Variants in DNMBP observed in about 807,000 individuals in gnomAD.
The protein encoded by DNMBP is dynamin binding protein.
Under a neutral mutation model 150.0 loss-of-function variants are expected in DNMBP, and 87 were observed. That is an observed-to-expected ratio of 0.58 (90% confidence interval 0.49 to 0.69). DNMBP has a LOEUF of 0.69. Among genes scored for constraint, DNMBP ranks in the 30% least tolerant of loss-of-function variants. The probability of loss-of-function intolerance (pLI) is 0.00; values close to 1 mark genes in which losing one functional copy is unlikely to be tolerated. For synonymous variants in DNMBP, 711 were observed against 750.4 expected (o/e 0.95, Z 0.86); for missense variants, 1,774 against 1,949.0 (o/e 0.91, Z 1.69).
intron 1 of DNMBP, among the ~76,000 whole-genome samples, chr10:100,004,279 A>C (rs2041045964): frequency 6.6e-6 from 1 of 150,920 alleles, no homozygotes; most frequent in Non-Finnish European, 1.5e-5. Flanking sequence ...ATATATATGT[A>C]TATATAATGT....
chr10:99,891,383 C>T (rs992587711), intron 11 of DNMBP, among the ~76,000 whole-genome samples: 11 of 151,708 alleles, frequency 7.3e-5, no homozygotes, highest in African/African-American at 2.7e-4. Flanking sequence ...CTGTGTTGGC[C>T]AGGCCGGTCT....
intron 4 of DNMBP, among the ~76,000 whole-genome samples, chr10:99,921,864 GAA>G (rs34344466): frequency 6.1e-3 from 144 of 23,702 alleles, no homozygotes; most frequent in African/African-American, 0.024. Context: ...GATTCCATCT[GAA>G]AAAAAAAAAA....
intron 4 of DNMBP, among the ~76,000 whole-genome samples, chr10:99,947,571 G>A (rs949254892): frequency 6.7e-6 from 1 of 149,050 alleles, no homozygotes; most frequent in Admixed American, 6.7e-5. Flanking sequence ...ACAATGGAGG[G>A]AGGGAGGGAG....
chr10:99,957,656 C>T (rs2133335044), intron 3 of DNMBP: 1 of 179,514 alleles, frequency 5.6e-6, no homozygotes, highest in South Asian at 1.3e-4. Flanking sequence ...GGCAACATGT[C>T]AAGACCTTGT....
intron 1 of DNMBP, among the ~76,000 whole-genome samples, chr10:99,978,643 A>C (rs749111810): frequency 6.6e-6 from 1 of 151,966 alleles, no homozygotes; most frequent in African/African-American, 2.4e-5. Flanking sequence ...CAGTGGCGTG[A>C]TCTTGGCTTA....
chr10:99,955,864 G>C lies in DNMBP; in HGVS notation c.1610C>G (p.Ala537Gly). Residue 537 changes from alanine to glycine, a missense_variant, in exon 4 of 17, where the codon GCA (alanine) becomes GGA (glycine). Transcript: ENST00000324109. ...PQAQGLVMEA[A>G]THSQGDGSTD... ...GCTGCCGTCTCCCTGTGAATGTGTT[G>C]CTGCTTCCATAACAAGCCCTTGGGC... The C allele has an allele frequency of 6.2e-7, 1 of 1,614,188 alleles. No individual in the cohort carries two copies. The highest frequency in any genetic ancestry group is 8.5e-7 in the Non-Finnish European group (1 of 1,180,028).
chr10:99,904,480 T>C (rs1049411339), intron 6 of DNMBP, among the ~76,000 whole-genome samples: 1 of 152,104 alleles, frequency 6.6e-6, no homozygotes. Flanking sequence ...GGCTTTAACT[T>C]GCCCTTCATG....
At chr10:99,989,588 G>A (rs1157412783) in intron 1 of DNMBP, among the ~76,000 whole-genome samples, 1 of 152,212 alleles carries the variant, frequency 6.6e-6, no homozygotes, top group African/African-American at 2.4e-5. Context: ...GTGGGCACCT[G>A]TGATCCCAGC....
At chr10:99,937,489 C>G (rs1157404526) in intron 4 of DNMBP, among the ~76,000 whole-genome samples, 1 of 152,236 alleles carries the variant, frequency 6.6e-6, no homozygotes, top group Non-Finnish European at 1.5e-5. Flanking sequence ...GGCAGGGCCA[C>G]AGTTTGAACC....
At chr10:99,880,797 A>C (rs1168734459) in intron 15 of DNMBP, among the ~76,000 whole-genome samples, 1 of 152,230 alleles carries the variant, frequency 6.6e-6, no homozygotes, top group Non-Finnish European at 1.5e-5. Flanking sequence ...TGTGGAAAAG[A>C]CCGAGTTAAG....
At chr10:99,982,077 TTC>T (rs1424643726) in intron 1 of DNMBP, among the ~76,000 whole-genome samples, 1 of 152,148 alleles carries the variant, frequency 6.6e-6, no homozygotes, top group Non-Finnish European at 1.5e-5. Flanking sequence ...TGAGTGTGCC[TTC>T]TGTTTTCTGC....
rs910752312 is a variant in DNMBP, at chr10:99,924,577, C to A, written c.2261-15431G>T. On this transcript the variant is annotated intron_variant, in intron 4 of 16. Coordinates refer to ENST00000324109, the MANE Select transcript of DNMBP (RefSeq NM_015221.4). ...TCTTCAACTGATCTGCAAGCTCCTG[C>A]ATGGCAGGTGTTTAAGAGTATAGTT... Among the ~76,000 whole-genome samples, 8 of 152,372 alleles carry A rather than the reference C, an allele frequency of 5.3e-5. No individual in the cohort carries two copies. In the East Asian group the frequency reaches 1.5e-3, roughly 29 times the overall value.
At chr10:99,944,336 T>A (rs2040333977) in intron 4 of DNMBP, among the ~76,000 whole-genome samples, 1 of 152,160 alleles carries the variant, frequency 6.6e-6, no homozygotes, top group Non-Finnish European at 1.5e-5. Flanking sequence ...AAGAAATGAA[T>A]GCACACCCTC....
At chr10:99,929,008 G>T (rs1463435127) in intron 4 of DNMBP, among the ~76,000 whole-genome samples, 1 of 152,060 alleles carries the variant, frequency 6.6e-6, no homozygotes, top group Non-Finnish European at 1.5e-5. Flanking sequence ...GCCGGGCATG[G>T]TGGCATGTAC....
intron 4 of DNMBP, among the ~76,000 whole-genome samples, chr10:99,910,781 T>C (rs899133494): frequency 1.3e-5 from 2 of 152,192 alleles, no homozygotes; most frequent in Non-Finnish European, 2.9e-5. Flanking sequence ...TCTGGCACAA[T>C]TTGAGTATAA....
In DNMBP at chr10:99,956,110, T is replaced by C. The variant is rs760443577; in HGVS notation, c.1364A>G (p.Asp455Gly). Residue 455 changes from aspartate (D) to glycine (G), a missense_variant, in exon 4 of 17, where the codon GAC becomes GGC. Asp to Gly is a moderately conservative substitution (Grantham distance 94, BLOSUM62 -1). Transcript: ENST00000324109. ...DLLPLEARTR[D>G]YASLPPKRMY... ...TCTTTTGGGAGGTAGGCTGGCATAG[T>C]CTCTAGTCCTTGCTTCTAGGGGAAG... 1 of 1,614,148 alleles carries C rather than the reference T, an allele frequency of 6.2e-7. No homozygotes were observed. Among genetic ancestry groups the C allele is most frequent in the South Asian group, 1.1e-5 (1 of 91,062 alleles).
At chr10:99,959,867 CAAAAAAAAA>C (rs897497956) in intron 3 of DNMBP, among the ~76,000 whole-genome samples, 1 of 49,384 alleles carries the variant, frequency 2.0e-5, no homozygotes, top group Admixed American at 1.8e-4. Context: ...AAAAAAAAAA[CAAAAAAAAA>C]ACAAATCTTT....
At chr10:99,923,386 C>CA (rs199869236) in intron 4 of DNMBP, among the ~76,000 whole-genome samples, 40 of 108,514 alleles carry the variant, frequency 3.7e-4, no homozygotes, top group Non-Finnish European at 6.6e-4. Context: ...AGTCCGTCTC[C>CA]AAAAAAAATA....
intron 6 of DNMBP, among the ~76,000 whole-genome samples, chr10:99,901,740 C>T (rs933112447): frequency 4.6e-5 from 7 of 152,016 alleles, no homozygotes; most frequent in African/African-American, 1.7e-4. Flanking sequence ...CCTTGTTCTC[C>T]TCCCTCCAAT....
Sources: allele counts gnomAD v4.1 joint callset (sites outside exome capture counted in the v4.1 genomes callset), GRCh38; gene constraint gnomAD v4.1.1; transcripts MANE v1.5; gene names NCBI Gene and HGNC (gene_info 2026-07-23, HGNC 2026-07-21).